The following SLC1A7 variants were observed in gnomAD, a reference collection of about 807,000 sequenced individuals.
SLC1A7 encodes the protein solute carrier family 1 member 7.
A neutral mutation model predicts 47.7 loss-of-function variants in SLC1A7; 40 were observed. The observed-to-expected ratio is 0.84, with a 90% CI of 0.65 to 1.09. The LOEUF (loss-of-function observed/expected upper bound fraction) is 1.09, where lower values mean the gene tolerates loss of function less well. Among genes scored for constraint, SLC1A7 ranks in the 50% least tolerant of loss-of-function variants. The pLI is 0.00. For synonymous variants in SLC1A7, 323 were observed against 325.6 expected (o/e 0.99, Z 0.09); for missense variants, 746 against 769.5 (o/e 0.97, Z 0.36).
At chr1:53,103,111 C>T (rs12097449) in intron 5 of SLC1A7, 84,622 of 432,350 alleles carry the variant, frequency 0.2, 8,861 homozygotes, top group Middle Eastern at 0.28. Context: ...ATGCCAGCTG[C>T]GGGCCTAAGA....
chr1:53,092,850 C>G, intron 6 of SLC1A7, 63 bp from the exon 7 acceptor site: 3 of 1,087,816 alleles, frequency 2.8e-6, no homozygotes, highest in Non-Finnish European at 2.8e-6. Flanking sequence ...GGCCCCAGCC[C>G]CGCATCGCTG....
At chr1:53,088,833 G>A (rs1644387441) in intron 10 of SLC1A7, 44 bp downstream of exon 10, 10 of 1,516,784 alleles carry the variant, frequency 6.6e-6, no homozygotes, top group South Asian at 1.1e-5. Flanking sequence ...CCCACCCTGC[G>A]TGGCTCCACC....
intron 2 of SLC1A7, among the ~76,000 whole-genome samples, chr1:53,119,153 G>T (rs12092559): frequency 0.12 from 18,785 of 152,152 alleles, 1,335 homozygotes; most frequent in South Asian, 0.34. Flanking sequence ...CTGAGTTACA[G>T]ATGGGGAAAA....
At chr1:53,111,921 C>G (rs1306671199) in intron 3 of SLC1A7, among the ~76,000 whole-genome samples, 1 of 152,184 alleles carries the variant, frequency 6.6e-6, no homozygotes, top group Non-Finnish European at 1.5e-5. Context: ...GCGATAGGAA[C>G]AGCATGGCAA....
chr1:53,101,406 C>A (rs1285583144), intron 5 of SLC1A7, among the ~76,000 whole-genome samples: 2 of 145,426 alleles, frequency 1.4e-5, no homozygotes, highest in Non-Finnish European at 3.0e-5. Context: ...CACACACTGC[C>A]TTGTTACACT....
At chr1:53,137,046 G>A (rs1645008022) in intron 1 of SLC1A7, among the ~76,000 whole-genome samples, 1 of 152,056 alleles carries the variant, frequency 6.6e-6, no homozygotes, top group Non-Finnish European at 1.5e-5. Flanking sequence ...CAGCACTTTG[G>A]GAGGCCAAGG....
At chr1:53,115,004 T>C in intron 2 of SLC1A7, 31 bp from the exon 3 acceptor site, 1 of 1,567,014 alleles carries the variant, frequency 6.4e-7, no homozygotes, top group East Asian at 2.3e-5. Context: ...GGGGCTGTGG[T>C]GGGGAGGCCA....
chr1:53,111,833 T>A (rs1644703669), intron 3 of SLC1A7, among the ~76,000 whole-genome samples: 2 of 152,166 alleles, frequency 1.3e-5, no homozygotes, highest in Non-Finnish European at 2.9e-5. Flanking sequence ...GATGAAGTCT[T>A]GCCAGCCAAG....
In SLC1A7 at chr1:53,103,446, G is replaced by A. The variant is rs1482750378; in HGVS notation, c.597C>T (p.Ala199=). 6 of 1,612,722 alleles carry A rather than the reference G, an allele frequency of 3.7e-6. No homozygotes were observed. In the South Asian group the frequency reaches 6.6e-5, roughly 18 times the overall value. The change falls in exon 5 of 11, where the codon GCC becomes GCT. Residue 199 remains alanine (A), a synonymous_variant. Coordinates refer to ENST00000371494, the MANE Select transcript of SLC1A7 (RefSeq NM_006671.6). ...EENGSHVQNF[A]LDLTPPPEVV... Reference sequence around the variant, plus strand: ...CCTCGGGCGGCGGGGTCAGGTCCAGGGCGAAGTTCTGCACATGGGAGCCAT... The same window carrying A: ...CCTCGGGCGGCGGGGTCAGGTCCAGAGCGAAGTTCTGCACATGGGAGCCAT...
At chr1:53,123,904 C>A (rs571057346) in intron 2 of SLC1A7, among the ~76,000 whole-genome samples, 13 of 152,340 alleles carry the variant, frequency 8.5e-5, no homozygotes, top group Non-Finnish European at 1.6e-4. Flanking sequence ...GCTCGCCAAA[C>A]TGTGGCTACC....
At chr1:53,125,636 G>C (rs1644874339) in intron 2 of SLC1A7, among the ~76,000 whole-genome samples, 1 of 152,226 alleles carries the variant, frequency 6.6e-6, no homozygotes, top group African/African-American at 2.4e-5. Context: ...CTCAGGACAT[G>C]ACTGAGGCTG....
chr1:53,125,494 T>A (rs146356351), intron 2 of SLC1A7, among the ~76,000 whole-genome samples: 241 of 152,232 alleles, frequency 1.6e-3, no homozygotes, highest in African/African-American at 5.6e-3. Flanking sequence ...TGAGCCCCAG[T>A]TCCCTGTGAT....
At chr1:53,137,947 T>C (rs1207504783) in intron 1 of SLC1A7, among the ~76,000 whole-genome samples, 1 of 152,228 alleles carries the variant, frequency 6.6e-6, no homozygotes, top group Non-Finnish European at 1.5e-5. Context: ...CTTGGTTTAC[T>C]TCCTTGTTTT....
intron 3 of SLC1A7, chr1:53,108,295 G>A (rs553706330): frequency 2.6e-5 from 10 of 391,652 alleles, no homozygotes; most frequent in South Asian, 6.0e-5. Flanking sequence ...TTACACACAC[G>A]GAGAACATTT....
intron 2 of SLC1A7, among the ~76,000 whole-genome samples, chr1:53,119,885 T>C (rs1159191854): frequency 7.2e-5 from 11 of 152,108 alleles, no homozygotes; most frequent in Non-Finnish European, 1.5e-4. Flanking sequence ...CTGTGATTTA[T>C]GGTGAGGGGA....
At chr1:53,090,921 T>C (rs1010908388) in intron 7 of SLC1A7, 115 bp from the exon 8 acceptor site, 5 of 1,543,192 alleles carry the variant, frequency 3.2e-6, no homozygotes, top group Non-Finnish European at 3.5e-6. Context: ...TTTGTGCCTC[T>C]GCAGCGCTGC....
rs77695359 is a variant in SLC1A7, at chr1:53,128,051, G to A, written c.215+6299C>T. The stretch of plus-strand genomic sequence containing the variant: ...ACGGCAATGATAACGAATACACACA[G>A]ACACACACACAGAGAACCAGGAGAT... On this transcript the variant is annotated intron_variant, in intron 2 of 10. Coordinates refer to ENST00000371494, the MANE Select transcript of SLC1A7 (RefSeq NM_006671.6). 1.7e-3 allele frequency among the ~76,000 whole-genome samples: 257 copies of A among 152,344 alleles called. 1 individual carries two copies. Among genetic ancestry groups the A allele is most frequent in the African/African-American group, 5.9e-3 (246 of 41,574 alleles).
chr1:53,114,244 G>A (rs1269355400), intron 3 of SLC1A7, among the ~76,000 whole-genome samples: 1 of 152,208 alleles, frequency 6.6e-6, no homozygotes, highest in Non-Finnish European at 1.5e-5. Flanking sequence ...GGTCTGAGAA[G>A]CAAGGTTAGC....
At chr1:53,091,857 T>C (rs1011152964) in intron 7 of SLC1A7, among the ~76,000 whole-genome samples, 1 of 152,194 alleles carries the variant, frequency 6.6e-6, no homozygotes, top group African/African-American at 2.4e-5. Flanking sequence ...AGATGCTCCA[T>C]AAGGGACCAC....
Sources: allele counts gnomAD v4.1 joint callset (sites outside exome capture counted in the v4.1 genomes callset), GRCh38; gene constraint gnomAD v4.1.1; transcripts MANE v1.5; gene names NCBI Gene and HGNC (gene_info 2026-07-23, HGNC 2026-07-21).